COL25A1: variants seen among roughly 807,000 people sequenced by gnomAD.
COL25A1 encodes the protein collagen alpha-1(XXV) chain.
A neutral mutation model predicts 128.4 loss-of-function variants in COL25A1; 103 were observed. The ratio of observed to expected loss-of-function variants is 0.80; its 90% CI spans 0.68 to 0.94. The LOEUF is 0.94. Among genes scored for constraint, COL25A1 ranks in the 40% least tolerant of loss-of-function variants. The pLI is 0.00. For synonymous variants in COL25A1, 279 were observed against 277.2 expected, an observed-to-expected ratio of 1.01 and a Z score of -0.06; for missense variants, 745 against 840.0, an observed-to-expected ratio of 0.89 and a Z score of 1.40.
rs1383703429 is a variant in COL25A1 at position 109,254,505 on chromosome 4, A to ATATATATATG, written c.367+46077_367+46078insCATATATATA. 5.5e-3 allele frequency among the ~76,000 whole-genome samples: 572 copies of ATATATATATG among 104,872 alleles called. 25 individuals are homozygous for ATATATATATG. Among genetic ancestry groups the ATATATATATG allele is most frequent in the South Asian group, 0.013 (46 of 3,526 alleles). 68.8% of individuals were successfully genotyped at this position (104,872 alleles called of 152,430 possible). A position where few individuals can be genotyped will look rare whatever the true frequency, so the allele number is the denominator to read the frequency against. ...TATATATATATATATATATATATATATGTATGTGTGTATATACATATACAT... is the reference window on the plus strand; with the variant it reads ...TATATATATATATATATATATATATATATATATATGTGTATGTGTGTATATACATATACAT... On this transcript the variant is annotated intron_variant, in intron 3 of 37. Coordinates refer to ENST00000399132, the MANE Select transcript of COL25A1 (RefSeq NM_198721.4).
At chr4:109,229,827 T>C (rs1779045667) in intron 3 of COL25A1, among the ~76,000 whole-genome samples, 1 of 152,124 alleles carries the variant, frequency 6.6e-6, no homozygotes, top group Non-Finnish European at 1.5e-5. Flanking sequence ...TGTTCTTGCA[T>C]TGCTATAAAG....
intron 19 of COL25A1, among the ~76,000 whole-genome samples, chr4:108,869,589 C>T (rs926324358): frequency 6.6e-6 from 1 of 152,056 alleles, no homozygotes. Context: ...TTGTAGGACA[C>T]CCAGTTGGTG....
chr4:108,828,400 G>A (rs1280931857), intron 32 of COL25A1, among the ~76,000 whole-genome samples: 2 of 152,162 alleles, frequency 1.3e-5, no homozygotes, highest in African/African-American at 4.8e-5. Context: ...CTCCCAAAGT[G>A]CTGGGATTAC....
intron 3 of COL25A1, among the ~76,000 whole-genome samples, chr4:109,132,230 A>G (rs545090746): frequency 1.1e-3 from 165 of 152,270 alleles, no homozygotes; most frequent in African/African-American, 3.8e-3. Context: ...TACAATATAT[A>G]TAATACACAC....
intron 6 of COL25A1, among the ~76,000 whole-genome samples, chr4:109,005,902 C>G (rs1284341616): frequency 6.6e-6 from 1 of 151,980 alleles, no homozygotes; most frequent in East Asian, 1.9e-4. Context: ...AATTATCAGG[C>G]CAGTTATGTT....
At position 108,825,187 on chromosome 4, in the gene COL25A1, AT is replaced by A. The variant is rs1363513238; in HGVS notation, c.1791+8del. The A allele has an allele frequency of 4.4e-6, 7 of 1,603,586 alleles. No individual in the cohort carries two copies. Among genetic ancestry groups the A allele is most frequent in the Non-Finnish European group, 6.0e-6 (7 of 1,170,772 alleles). ...TAATAGGATGATGTTTATTGTACTT[AT>A]TACTTACATCAAGACCAGGCTCTCC... On this transcript the variant is annotated splice_region_variant and intron_variant, in intron 34 of 37. Coordinates refer to ENST00000399132, the MANE Select transcript of COL25A1 (RefSeq NM_198721.4).
intron 20 of COL25A1, among the ~76,000 whole-genome samples, chr4:108,864,127 T>C (rs1028688168): frequency 6.6e-6 from 1 of 152,200 alleles, no homozygotes; most frequent in Non-Finnish European, 1.5e-5. Flanking sequence ...TATGCAATTA[T>C]CCAATGTTTG....
chr4:109,295,122 T>A (rs1359353454), intron 3 of COL25A1, among the ~76,000 whole-genome samples: 1 of 152,090 alleles, frequency 6.6e-6, no homozygotes, highest in Non-Finnish European at 1.5e-5. Flanking sequence ...TTCTTTTAAG[T>A]AATTCCCAGC....
chr4:108,918,145 T>A (rs1176976862), intron 13 of COL25A1, 27 bp downstream of exon 13: 6 of 1,477,190 alleles, frequency 4.1e-6, no homozygotes, highest in Admixed American at 2.0e-5. Flanking sequence ...AAATTATTTT[T>A]AAAATACAAT....
In COL25A1 at chr4:108,884,292, G is replaced by A. The variant is rs939112837; in HGVS notation, c.976-70C>T. 7.2e-6 allele frequency: 10 copies of A among 1,391,984 alleles called. No individual in the cohort carries two copies. In the African/African-American group the frequency reaches 1.1e-4, roughly 16 times the overall value. 86.2% of individuals were successfully genotyped at this position (1,391,984 alleles called of 1,614,324 possible). A position where few individuals can be genotyped will look rare whatever the true frequency, so the allele number is the denominator to read the frequency against. ...GTCACAATATGTGGAGAAAAACATG[G>A]CAAATGTTCCTGGCTCAATACTTTC... On this transcript the variant is annotated intron_variant, in intron 18 of 37. Transcript: ENST00000399132.
intron 3 of COL25A1, among the ~76,000 whole-genome samples, chr4:109,147,644 C>T (rs1018457120): frequency 6.6e-6 from 1 of 151,934 alleles, no homozygotes; most frequent in African/African-American, 2.4e-5. Flanking sequence ...TGGTGAAACC[C>T]TGTCTCTAGT....
At chr4:108,941,681 C>G (rs571345515) in intron 8 of COL25A1, among the ~76,000 whole-genome samples, 14 of 152,280 alleles carry the variant, frequency 9.2e-5, no homozygotes, top group African/African-American at 2.4e-4. Flanking sequence ...TGTGCCTCAT[C>G]ATTTCACTGT....
chr4:109,025,673 G>T (rs1427269655), intron 5 of COL25A1, among the ~76,000 whole-genome samples: 5 of 152,156 alleles, frequency 3.3e-5, no homozygotes, highest in African/African-American at 9.7e-5. Context: ...AATGAGGGAG[G>T]AGAGGCTCTG....
intron 3 of COL25A1, among the ~76,000 whole-genome samples, chr4:109,268,397 A>G (rs1781935619): frequency 6.6e-6 from 1 of 152,132 alleles, no homozygotes; most frequent in African/African-American, 2.4e-5. Context: ...AAGTTTATAA[A>G]GGATATGGAA....
At chr4:109,144,559 C>A (rs1194186152) in intron 3 of COL25A1, among the ~76,000 whole-genome samples, 2 of 152,356 alleles carry the variant, frequency 1.3e-5, no homozygotes, top group East Asian at 3.9e-4. Context: ...AAGCCCCTGA[C>A]TAGGGCTGCT....
intron 3 of COL25A1, among the ~76,000 whole-genome samples, chr4:109,141,528 C>A (rs1014211295): frequency 3.3e-5 from 5 of 152,132 alleles, no homozygotes; most frequent in African/African-American, 1.2e-4. Context: ...CCTCTTTGTA[C>A]CTCTGGTAGA....
At chr4:109,211,175 A>C (rs1777471325) in intron 3 of COL25A1, among the ~76,000 whole-genome samples, 1 of 151,194 alleles carries the variant, frequency 6.6e-6, no homozygotes, top group Non-Finnish European at 1.5e-5. Context: ...ACCTAAAATA[A>C]AAGTTGAAAA....
chr4:109,219,997 T>G (rs1336972908), intron 3 of COL25A1, among the ~76,000 whole-genome samples: 1 of 152,196 alleles, frequency 6.6e-6, no homozygotes, highest in African/African-American at 2.4e-5. Context: ...TTACTTGTTT[T>G]GTAATTAGAA....
intron 3 of COL25A1, among the ~76,000 whole-genome samples, chr4:109,262,999 G>C (rs1022586603): frequency 2.6e-5 from 4 of 151,750 alleles, no homozygotes; most frequent in South Asian, 4.2e-4. Flanking sequence ...CATGGTGGTG[G>C]GCACCTGTAA....
Sources: allele counts gnomAD v4.1 joint callset (sites outside exome capture counted in the v4.1 genomes callset), GRCh38; gene constraint gnomAD v4.1.1; transcripts MANE v1.5; gene names NCBI Gene and HGNC (gene_info 2026-07-23, HGNC 2026-07-21).